The following MMP26 variants were observed in gnomAD, a reference collection of about 807,000 sequenced individuals.
MMP26 encodes matrix metallopeptidase 26.
Under a neutral mutation model 31.0 loss-of-function variants are expected in MMP26, and 33 were observed. The observed-to-expected ratio is 1.06, with a 90% CI of 0.81 to 1.42. MMP26 has a LOEUF of 1.42. Among genes scored for constraint, MMP26 ranks in the 40% most tolerant of loss-of-function variants. MMP26 has a pLI of 0.00. For synonymous variants in MMP26, 122 were observed against 114.9 expected, an observed-to-expected ratio of 1.06 and a Z score of -0.40; for missense variants, 347 against 316.1, an observed-to-expected ratio of 1.10 and a Z score of -0.74.
At chr11:4,754,926 A>G (rs1050128780) in intron 1 of MMP26, among the ~76,000 whole-genome samples, 4 of 151,984 alleles carry the variant, frequency 2.6e-5, no homozygotes, top group Non-Finnish European at 4.4e-5. Context: ...TCACAGAACC[A>G]CAACCTGTAT....
intron 1 of MMP26, among the ~76,000 whole-genome samples, chr11:4,766,693 T>TTCCCTCCCTCCCTCCG (rs1554931046): frequency 2.0e-5 from 1 of 49,344 alleles, no homozygotes; most frequent in East Asian, 9.1e-4. Flanking sequence ...CCACTTTCCT[T>TTCCCTCCCTCCCTCCG]TCCCTCCCTC....
intron 2 of MMP26, among the ~76,000 whole-genome samples, chr11:4,797,464 G>C (rs1240503761): frequency 1.3e-5 from 2 of 152,088 alleles, no homozygotes; most frequent in Non-Finnish European, 2.9e-5. Flanking sequence ...ACACCTTCCT[G>C]CTGCAGAGAC....
intron 2 of MMP26, among the ~76,000 whole-genome samples, chr11:4,906,589 T>C (rs897524403): frequency 6.6e-6 from 1 of 152,210 alleles, no homozygotes; most frequent in African/African-American, 2.4e-5. Context: ...AATGACTTAA[T>C]GTTTTCCAAA....
intron 1 of MMP26, among the ~76,000 whole-genome samples, chr11:4,729,466 A>G (rs565656008): frequency 1.2e-4 from 18 of 152,202 alleles, no homozygotes; most frequent in Non-Finnish European, 2.2e-4. Context: ...AGAGAGGGGC[A>G]GGAAGAAACT....
intron 2 of MMP26, among the ~76,000 whole-genome samples, chr11:4,900,788 A>G (rs1850788821): frequency 2.0e-5 from 3 of 152,136 alleles, no homozygotes; most frequent in Non-Finnish European, 4.4e-5. Flanking sequence ...TCCTTCCAAC[A>G]GCCTGGTCAA....
intron 1 of MMP26, among the ~76,000 whole-genome samples, chr11:4,725,889 G>A (rs1365183275): frequency 6.6e-6 from 1 of 152,204 alleles, no homozygotes; most frequent in Non-Finnish European, 1.5e-5. Flanking sequence ...AGTGTGTCCT[G>A]TGGACCAGAA....
intron 2 of MMP26, chr11:4,924,442 T>A: frequency 8.2e-7 from 1 of 1,215,854 alleles, no homozygotes; most frequent in Non-Finnish European, 1.1e-6. Flanking sequence ...GATCAGCCAG[T>A]AAGGAAGCAT....
intron 2 of MMP26, among the ~76,000 whole-genome samples, chr11:4,925,308 C>G (rs2133585321): frequency 6.6e-6 from 1 of 152,268 alleles, no homozygotes. Flanking sequence ...TTGCACAGTA[C>G]TTTAGCCATT....
intron 2 of MMP26, among the ~76,000 whole-genome samples, chr11:4,899,724 C>G (rs1451496284): frequency 6.6e-6 from 1 of 152,144 alleles, no homozygotes; most frequent in Non-Finnish European, 1.5e-5. Flanking sequence ...CTAATGACCT[C>G]TTTCCTTGCC....
chr11:4,756,357 A>G (rs2133406019), intron 1 of MMP26, among the ~76,000 whole-genome samples: 1 of 152,178 alleles, frequency 6.6e-6, no homozygotes. Flanking sequence ...AGTAAACAAA[A>G]ATAAATACAA....
chr11:4,807,876 C>T (rs1441051536), intron 2 of MMP26, among the ~76,000 whole-genome samples: 1 of 152,114 alleles, frequency 6.6e-6, no homozygotes, highest in East Asian at 1.9e-4. Flanking sequence ...GTGATCACAG[C>T]TCACTCTAGC....
At chr11:4,782,712 G>T (rs1237801137) in intron 2 of MMP26, among the ~76,000 whole-genome samples, 1 of 152,176 alleles carries the variant, frequency 6.6e-6, no homozygotes, top group Non-Finnish European at 1.5e-5. Context: ...GGTTTAGGAG[G>T]AAAAAGTGGT....
intron 1 of MMP26, among the ~76,000 whole-genome samples, chr11:4,713,674 G>C (rs1216354833): frequency 2.0e-5 from 3 of 151,988 alleles, no homozygotes; most frequent in African/African-American, 7.2e-5. Flanking sequence ...TTTTTGGGGG[G>C]CATAGAGTGA....
rs115537538 is a variant in MMP26 at position 4,749,039 on chromosome 11, A to G, written c.-216-18231A>G. Among the ~76,000 whole-genome samples the G allele has an allele frequency of 8.3e-3, 1,267 of 152,196 alleles. 17 individuals are homozygous for G. The highest frequency in any genetic ancestry group is 0.029 in the African/African-American group (1,189 of 41,546). On this transcript the variant is annotated intron_variant, in intron 1 of 7. Coordinates refer to ENST00000380390, the MANE Select transcript of MMP26 (RefSeq NM_021801.5). ...ATGATGATATGATCATATACCTAGA[A>G]AATTCTAAAGACTCCACCAAAAGAC...
At position 4,954,421 on chromosome 11, in the gene MMP26, A is replaced by G. The variant is rs1846406790; in HGVS notation, c.-144-33647A>G. Among the ~76,000 whole-genome samples the G allele has an allele frequency of 1.6e-5, 2 of 125,662 alleles. 1 individual carries two copies. The highest frequency in any genetic ancestry group is 1.8e-4 in the Admixed American group (2 of 11,354). 82.4% of individuals were successfully genotyped at this position (125,662 alleles called of 152,430 possible). A position where few individuals can be genotyped will look rare whatever the true frequency, so the allele number is the denominator to read the frequency against. ...CAGATATAATATAAAATTTGGGTCT[A>G]GCAGTAAAAGAACCTGGTATAGAGA... On this transcript the variant is annotated intron_variant, in intron 2 of 7. Coordinates refer to ENST00000380390, the MANE Select transcript of MMP26 (RefSeq NM_021801.5).
rs1848040706 is a variant in MMP26 at position 4,723,185 on chromosome 11, G to A, written c.-217+18140G>A. 3.8e-6 allele frequency: 6 copies of A among 1,583,044 alleles called. No individual in the cohort carries two copies. The Admixed American group carries it at 8.4e-5, about 22-fold the overall frequency. ...CCCACGCTGCTCGGCATCTGCGATG[G>A]CGGCCTCCAGGGAAGCCCTCTGGCC... On this transcript the variant is annotated intron_variant, in intron 1 of 7. Transcript: ENST00000380390.
At chr11:4,983,179 T>G (rs578003453) in intron 2 of MMP26, among the ~76,000 whole-genome samples, 6 of 152,210 alleles carry the variant, frequency 3.9e-5, no homozygotes, top group Non-Finnish European at 8.8e-5. Context: ...CTTTCTATGA[T>G]GATCACTAAA....
chr11:4,905,317 A>G (rs1589934396), intron 2 of MMP26, among the ~76,000 whole-genome samples: 2 of 152,166 alleles, frequency 1.3e-5, no homozygotes, highest in African/African-American at 4.8e-5. Flanking sequence ...GCCCTTTTCC[A>G]TGTAGAAGAT....
At chr11:4,830,079 C>G (rs1343432204) in intron 2 of MMP26, 1 of 152,092 alleles carries the variant, frequency 6.6e-6, no homozygotes, top group African/African-American at 2.4e-5. Flanking sequence ...GGACTAGGTG[C>G]CTATTAATTC....
Sources: gnomAD v4.1 joint callset for allele counts (sites outside exome capture counted in the v4.1 genomes callset) on GRCh38, gnomAD v4.1.1 for gene constraint, MANE v1.5 for transcripts, NCBI Gene and HGNC (gene_info 2026-07-23, HGNC 2026-07-21) for gene names.